EPHB2: variants seen among roughly 807,000 people sequenced by gnomAD.
The protein encoded by EPHB2 is EPH receptor B2, also known as ephrin type-B receptor 2.
Under a neutral mutation model 96.4 loss-of-function variants are expected in EPHB2, and 18 were observed. That is an observed-to-expected ratio of 0.19 (90% CI 0.13 to 0.28). The LOEUF is 0.28. Ranked by LOEUF, EPHB2 falls within the 10% of genes least tolerant of loss-of-function variation. The pLI is 1.00. For synonymous variants in EPHB2, 506 were observed against 534.1 expected (o/e 0.95, Z 0.72); for missense variants, 989 against 1,355.4 (o/e 0.73, Z 4.25).
chr1:22,879,298 C>T (rs182561740), intron 5 of EPHB2, among the ~76,000 whole-genome samples: 113 of 152,312 alleles, frequency 7.4e-4, no homozygotes, highest in African/African-American at 2.5e-3. Context: ...GGGTGCTTCC[C>T]GGGCCAGCAC....
chr1:22,814,702 G>A (rs538250643), intron 3 of EPHB2, among the ~76,000 whole-genome samples: 2 of 152,334 alleles, frequency 1.3e-5, no homozygotes, highest in East Asian at 1.9e-4. Flanking sequence ...AAGCCACTGA[G>A]GTTGGTTGAG....
chr1:22,805,274 G>T (rs2582033), intron 3 of EPHB2, among the ~76,000 whole-genome samples: 4 of 152,166 alleles, frequency 2.6e-5, no homozygotes, highest in South Asian at 2.1e-4. Flanking sequence ...CCTGGTTCGA[G>T]GTGACCCCAT....
At chr1:22,770,303 G>A (rs1644360661) in intron 1 of EPHB2, among the ~76,000 whole-genome samples, 1 of 152,166 alleles carries the variant, frequency 6.6e-6, no homozygotes, top group African/African-American at 2.4e-5. Context: ...GTCAATGGGT[G>A]AATGAATAAA....
chr1:22,808,136 AAAAAAGAAAAAG>A (rs1305340566), intron 3 of EPHB2, among the ~76,000 whole-genome samples: 2 of 152,166 alleles, frequency 1.3e-5, no homozygotes, highest in East Asian at 3.9e-4. Context: ...TGTCACAAAA[AAAAAAGAAAAAG>A]AAAAAGAAAA....
intron 1 of EPHB2, among the ~76,000 whole-genome samples, chr1:22,720,658 AT>A (rs1403548197): frequency 1.5e-4 from 10 of 64,894 alleles, no homozygotes; most frequent in South Asian, 1.0e-3. Flanking sequence ...CAGAAATCTC[AT>A]TCCCCCCCCC....
At chr1:22,806,885 C>T (rs1258885859) in intron 3 of EPHB2, among the ~76,000 whole-genome samples, 1 of 151,546 alleles carries the variant, frequency 6.6e-6, no homozygotes, top group African/African-American at 2.4e-5. Context: ...TTTGTGGGCC[C>T]CCCCTCGTCA....
intron 3 of EPHB2, among the ~76,000 whole-genome samples, chr1:22,831,477 T>C (rs1645302811): frequency 6.6e-6 from 1 of 152,118 alleles, no homozygotes; most frequent in South Asian, 2.1e-4. Flanking sequence ...TGAAGCCTTT[T>C]GCGTGAATCC....
At chr1:22,776,234 C>G (rs549664801) in intron 1 of EPHB2, among the ~76,000 whole-genome samples, 1 of 152,192 alleles carries the variant, frequency 6.6e-6, no homozygotes, top group Non-Finnish European at 1.5e-5. Flanking sequence ...CTCTGCTTCC[C>G]CTCTGCCTAG....
Position 22,906,245 on chromosome 1 carries a change from A to C in EPHB2, c.1888+136A>C. ...GACCCCCCAAGGCCTGAAGGTTCAGAATGACCATGAAAGAAGGGCCCTCAA... is the reference window on the plus strand; with the variant it reads ...GACCCCCCAAGGCCTGAAGGTTCAGCATGACCATGAAAGAAGGGCCCTCAA... On this transcript the variant is annotated intron_variant, in intron 10 of 15. Transcript: ENST00000374630. This position sits in a 1 kb window ranked among gnomAD's most constrained non-coding sequence, Gnocchi z 4.8. The C allele has an allele frequency of 7.2e-7, 1 of 1,381,774 alleles. No homozygotes were observed. The highest frequency in any genetic ancestry group is 1.0e-6 in the Non-Finnish European group (1 of 1,003,632). The allele number at this position is 1,381,774 out of a possible 1,614,324, so 85.6% of individuals were successfully genotyped here.
rs140585233 is a variant in EPHB2, at chr1:22,789,350, G to A, written c.811+4274G>A. On this transcript the variant is annotated intron_variant, in intron 3 of 15. Transcript: ENST00000374630. ...ATTAGAGAAAATAAGGCTGGATTAAGTCTTCTTGGCAGATGGAGAGTGGGG... is the reference window on the plus strand; with the variant it reads ...ATTAGAGAAAATAAGGCTGGATTAAATCTTCTTGGCAGATGGAGAGTGGGG... Among the ~76,000 whole-genome samples, 909 of 152,352 alleles carry A rather than the reference G, an allele frequency of 6.0e-3. 14 individuals are homozygous for A. The highest frequency in any genetic ancestry group is 0.02 in the African/African-American group (846 of 41,564).
At chr1:22,819,314 C>T (rs1248348975) in intron 3 of EPHB2, among the ~76,000 whole-genome samples, 2 of 152,084 alleles carry the variant, frequency 1.3e-5, no homozygotes, top group East Asian at 1.9e-4. Context: ...CTCTCACAAC[C>T]TCTGTTCCAG....
Position 22,913,579 on chromosome 1 carries a change from T to A in EPHB2, c.*9T>A, listed in dbSNP as rs753301527. ...AGTCTGTGGAGGTTTGACATTCACC[T>A]GCCTCGGCTCACCTCTTCCTCCAAG... is the stretch of plus-strand genomic sequence containing the variant. On this transcript the variant is annotated 3_prime_UTR_variant, in exon 16 of 16. Transcript: ENST00000374630. The surrounding 1 kb of genome is among the most constrained non-coding windows in gnomAD (Gnocchi z 4.1). 6.8e-6 allele frequency: 11 copies of A among 1,613,972 alleles called. No individual in the cohort carries two copies. In the Admixed American group the frequency reaches 1.8e-4, roughly 27 times the overall value.
chr1:22,868,835 G>A (rs551999263), intron 5 of EPHB2, among the ~76,000 whole-genome samples: 9 of 152,262 alleles, frequency 5.9e-5, no homozygotes, highest in African/African-American at 9.6e-5. Context: ...TACCATGCAC[G>A]TGAAAATCAC....
At chr1:22,853,803 G>A (rs756755457) in intron 3 of EPHB2, among the ~76,000 whole-genome samples, 12 of 152,356 alleles carry the variant, frequency 7.9e-5, no homozygotes, top group East Asian at 7.7e-4. Flanking sequence ...GAAGCAGGCC[G>A]GACTCTCCCT....
At chr1:22,798,019 C>T (rs1021735445) in intron 3 of EPHB2, among the ~76,000 whole-genome samples, 2 of 152,308 alleles carry the variant, frequency 1.3e-5, no homozygotes, top group Non-Finnish European at 2.9e-5. Flanking sequence ...CACCATCTGA[C>T]GTACTATGTA....
chr1:22,742,305 A>T (rs1311426324), intron 1 of EPHB2, among the ~76,000 whole-genome samples: 1 of 152,092 alleles, frequency 6.6e-6, no homozygotes. Flanking sequence ...TGTCTTCTGC[A>T]TTCAGGGTGG....
chr1:22,833,779 T>C lies in EPHB2; in HGVS notation c.812-29258T>C, dbSNP rs4654821. Among the ~76,000 whole-genome samples the C allele has an allele frequency of 2.2e-4, 33 of 152,108 alleles. 1 individual carries two copies. The South Asian group carries it at 6.6e-3, about 31-fold the overall frequency. ...CAATAAATGAAAATGGGTTCAAAAC[T>C]GTTAAAAAACAGAAATTCATAGTTT... On this transcript the variant is annotated intron_variant, in intron 3 of 15. Coordinates refer to ENST00000374630, the MANE Select transcript of EPHB2 (RefSeq NM_017449.5).
At chr1:22,734,731 G>A (rs536741410) in intron 1 of EPHB2, among the ~76,000 whole-genome samples, 4 of 152,228 alleles carry the variant, frequency 2.6e-5, no homozygotes, top group African/African-American at 9.6e-5. Context: ...CTGAATGTCA[G>A]TATTATTTTG....
At chr1:22,876,383 C>CA (rs1403471682) in intron 5 of EPHB2, among the ~76,000 whole-genome samples, 1 of 152,124 alleles carries the variant, frequency 6.6e-6, no homozygotes, top group Non-Finnish European at 1.5e-5. Context: ...CCACCCCGTA[C>CA]AACCCCTGCA....
Sources: allele counts gnomAD v4.1 joint callset (sites outside exome capture counted in the v4.1 genomes callset), GRCh38; gene constraint gnomAD v4.1.1; non-coding constraint Gnocchi (gnomAD v3.1); transcripts MANE v1.5; gene names NCBI Gene and HGNC (gene_info 2026-07-23, HGNC 2026-07-21).